Variants in NFIA observed in about 807,000 individuals in gnomAD.
The protein encoded by NFIA is nuclear factor 1 A-type.
A neutral mutation model predicts 62.8 loss-of-function variants in NFIA; 8 were observed. The ratio of observed to expected loss-of-function variants is 0.13; its 90% CI spans 0.07 to 0.23. The LOEUF is 0.23. NFIA is among the 10% of genes least tolerant of loss of function. The pLI, the probability that NFIA is intolerant of heterozygous loss-of-function variation, is 1.00. For synonymous variants in NFIA, 235 were observed against 238.1 expected (o/e 0.99, Z 0.12); for missense variants, 410 against 642.1 (o/e 0.64, Z 3.91).
chr1:61,181,353 A>G (rs1488636214), intron 2 of NFIA, among the ~76,000 whole-genome samples: 1 of 152,250 alleles, frequency 6.6e-6, no homozygotes, highest in African/African-American at 2.4e-5. Flanking sequence ...AGTAATGTAC[A>G]TTGTTGTGCA....
chr1:61,444,204 A>C (rs561964399), intron 10 of NFIA, among the ~76,000 whole-genome samples: 1 of 152,366 alleles, frequency 6.6e-6, no homozygotes, highest in South Asian at 2.1e-4. Flanking sequence ...ATGAGATTCT[A>C]GAATCTACAT....
chr1:61,093,338 GTATACACAA>G (rs770951827), intron 2 of NFIA, among the ~76,000 whole-genome samples: 229 of 152,002 alleles, frequency 1.5e-3, no homozygotes, highest in African/African-American at 2.6e-3. Context: ...ACTGTATATT[GTATACACAA>G]TATACACAAT....
chr1:61,414,572 G>T (rs1338155629), intron 9 of NFIA, among the ~76,000 whole-genome samples: 10 of 150,864 alleles, frequency 6.6e-5, no homozygotes, highest in Admixed American at 2.0e-4. Context: ...CCCAATGGGA[G>T]AAATACAGAG....
At chr1:61,131,367 A>G (rs926127157) in intron 2 of NFIA, among the ~76,000 whole-genome samples, 10 of 152,150 alleles carry the variant, frequency 6.6e-5, no homozygotes, top group African/African-American at 1.7e-4. Context: ...AAATGTGACA[A>G]TTACTTTGTT....
At chr1:61,134,828 A>T (rs1647152293) in intron 2 of NFIA, among the ~76,000 whole-genome samples, 1 of 152,092 alleles carries the variant, frequency 6.6e-6, no homozygotes, top group South Asian at 2.1e-4. Context: ...TGTCTCTATT[A>T]TCATAAATAA....
rs1657449954 is a variant in NFIA, at chr1:61,270,686, T to A, written c.560-6834T>A. Among the ~76,000 whole-genome samples the A allele has an allele frequency of 2.1e-5, 3 of 144,856 alleles. No individual in the cohort carries two copies. The South Asian group carries it at 6.3e-4, about 30-fold the overall frequency. On this transcript the variant is annotated intron_variant, in intron 2 of 10. Transcript: ENST00000403491. ...GAACTCCAAGAACCTAGTGTTAAGA[T>A]TAATTTTGATTGTGAAAAAAGTGAC... is the stretch of plus-strand genomic sequence containing the variant.
chr1:61,421,308 C>T (rs1557772275), intron 9 of NFIA, among the ~76,000 whole-genome samples: 1 of 152,160 alleles, frequency 6.6e-6, no homozygotes, highest in East Asian at 1.9e-4. Flanking sequence ...GTGCTCAGTA[C>T]AGAGCCTGGC....
At chr1:61,201,376 C>G (rs1053560716) in intron 2 of NFIA, among the ~76,000 whole-genome samples, 5 of 151,716 alleles carry the variant, frequency 3.3e-5, no homozygotes, top group Non-Finnish European at 7.4e-5. Flanking sequence ...TTTTCTTTTT[C>G]TGGTGCTCAA....
At chr1:61,130,886 A>G (rs1260068415) in intron 2 of NFIA, among the ~76,000 whole-genome samples, 2 of 152,244 alleles carry the variant, frequency 1.3e-5, no homozygotes, top group Non-Finnish European at 1.5e-5. Context: ...TAAAATACCC[A>G]TTAAAGTCCT....
At chr1:61,307,567 T>C (rs1399750337) in intron 3 of NFIA, among the ~76,000 whole-genome samples, 1 of 152,170 alleles carries the variant, frequency 6.6e-6, no homozygotes, top group Non-Finnish European at 1.5e-5. Flanking sequence ...CCTGGATAAG[T>C]GTGTCGAGTG....
chr1:61,203,097 C>T (rs543894435), intron 2 of NFIA, among the ~76,000 whole-genome samples: 1 of 152,320 alleles, frequency 6.6e-6, no homozygotes, highest in Non-Finnish European at 1.5e-5. Context: ...GCTGATCAAG[C>T]AAGGTCTGTT....
At chr1:61,082,058 G>T (rs544010532), upstream of NFIA, 6 of 1,545,730 alleles carry the variant, frequency 3.9e-6, no homozygotes, top group South Asian at 6.0e-5. Flanking sequence ...GTCCGCGGAG[G>T]TCTGCAGCGG....
In NFIA at chr1:61,094,334, C is replaced by T. The variant is rs917218241; in HGVS notation, c.559+5654C>T. ...TGAACTTAATCACAAATGGAGATAC[C>T]GTAAAAGTATTTTGGTTTCAGTAAT... On this transcript the variant is annotated intron_variant, in intron 2 of 10. Coordinates refer to ENST00000403491, the MANE Select transcript of NFIA (RefSeq NM_001134673.4). Among the ~76,000 whole-genome samples the T allele has an allele frequency of 3.9e-5, 6 of 151,956 alleles. No homozygotes were observed. In the East Asian group the frequency reaches 7.7e-4, roughly 20 times the overall value.
chr1:61,286,903 G>T (rs868714806), intron 3 of NFIA, among the ~76,000 whole-genome samples: 17 of 152,194 alleles, frequency 1.1e-4, no homozygotes, highest in African/African-American at 4.1e-4. Flanking sequence ...TTTATTCTAA[G>T]AAGAGGGAAC....
In NFIA at chr1:61,458,768, G is replaced by T. The variant is rs923596498; in HGVS notation, c.*3448G>T. On this transcript the variant is annotated 3_prime_UTR_variant, in exon 11 of 11. Transcript: ENST00000403491. ...TATAGCATATTCCTATGCTTGAGAA[G>T]TATAGGTCTACTGAAAAACCATTGT... is the stretch of plus-strand genomic sequence containing the variant. 1.3e-5 allele frequency: 2 copies of T among 148,902 alleles called. No individual in the cohort carries two copies. Among genetic ancestry groups the T allele is most frequent in the Non-Finnish European group, 3.0e-5 (2 of 67,666 alleles). 9.2% of individuals were successfully genotyped at this position (148,902 alleles called of 1,614,324 possible).
At chr1:61,386,448 A>G (rs1664691712) in intron 7 of NFIA, among the ~76,000 whole-genome samples, 1 of 152,200 alleles carries the variant, frequency 6.6e-6, no homozygotes, top group Admixed American at 6.5e-5. Flanking sequence ...CACGGAGGCC[A>G]TTGACTGCTC....
At chr1:61,379,062 GCAATATAA>G (rs1448055800) in intron 6 of NFIA, among the ~76,000 whole-genome samples, 1 of 152,098 alleles carries the variant, frequency 6.6e-6, no homozygotes, top group Non-Finnish European at 1.5e-5. Context: ...GAAGTCTTTT[GCAATATAA>G]CATAACCTAA....
At chr1:61,367,178 T>G (rs909020881) in intron 6 of NFIA, among the ~76,000 whole-genome samples, 3 of 152,182 alleles carry the variant, frequency 2.0e-5, no homozygotes, top group Non-Finnish European at 4.4e-5. Flanking sequence ...GATTCCCAAC[T>G]CTGCTGGTCC....
chr1:61,381,498 T>C (rs1664411397), intron 6 of NFIA, among the ~76,000 whole-genome samples: 1 of 152,158 alleles, frequency 6.6e-6, no homozygotes, highest in Non-Finnish European at 1.5e-5. Flanking sequence ...TTAATTCAAA[T>C]CACATGGATG....
Sources: allele counts gnomAD v4.1 joint callset (sites outside exome capture counted in the v4.1 genomes callset), GRCh38; gene constraint gnomAD v4.1.1; transcripts MANE v1.5; gene names NCBI Gene and HGNC (gene_info 2026-07-23, HGNC 2026-07-21).